DACH2: variants seen among roughly 807,000 people sequenced by gnomAD.
DACH2 encodes the protein dachshund family transcription factor 2, also known as dachshund homolog 2.
Under a neutral mutation model 35.8 loss-of-function variants are expected in DACH2, and 17 were observed. The ratio of observed to expected loss-of-function variants is 0.48; its 90% CI spans 0.33 to 0.71. The LOEUF is 0.71. Ranked by LOEUF, DACH2 falls within the 30% of genes least tolerant of loss-of-function variation. The pLI is 0.02. For synonymous variants in DACH2, 195 were observed against 177.3 expected (o/e 1.10, Z -0.79); for missense variants, 469 against 472.7 (o/e 0.99, Z 0.07).
chrX:86,667,544 AGAAGAAAGAAAG>A (rs2040703950), intron 4 of DACH2, among the ~76,000 whole-genome samples: 1 of 36,641 alleles, frequency 2.7e-5, no homozygotes, highest in Non-Finnish European at 4.9e-5. Context: ...AAAGAAAGAA[AGAAGAAAGAAAG>A]AAAGAAAGAA....
chrX:86,234,624 T>TC (rs2033018117), intron 1 of DACH2, among the ~76,000 whole-genome samples: 2 of 109,435 alleles, frequency 1.8e-5, no homozygotes, highest in South Asian at 7.9e-4. Flanking sequence ...ATTTAATTTT[T>TC]TTTTTTTGAG....
chrX:86,364,927 C>T (rs140591016), intron 1 of DACH2, among the ~76,000 whole-genome samples: 209 of 110,843 alleles, frequency 1.9e-3, no homozygotes, highest in African/African-American at 6.4e-3. Context: ...AAGAGAGTTA[C>T]GGGAGTAACC....
intron 5 of DACH2, among the ~76,000 whole-genome samples, chrX:86,695,814 C>T (rs2148445011): frequency 9.0e-6 from 1 of 111,144 alleles, no homozygotes; most frequent in South Asian, 3.8e-4. Flanking sequence ...CACCCGGCCA[C>T]ATGTTTTGAA....
At position 86,514,369 on chromosome X, in the gene DACH2, G is replaced by T. The variant is rs149578312; in HGVS notation, c.618G>T (p.Ser206=). 789 of 1,207,937 alleles carry T rather than the reference G, an allele frequency of 6.5e-4. 5 individuals carry two copies. The East Asian group carries it at 0.019, about 30-fold the overall frequency. ...LLTHAVPGLL[S]PGLITPTGIT... Reference sequence around the variant, plus strand: ...CCCATGCAGTCCCAGGCCTCTTATCGCCAGGACTTATCACTCCGACAGGTA... The same window carrying T: ...CCCATGCAGTCCCAGGCCTCTTATCTCCAGGACTTATCACTCCGACAGGTA... The change falls in exon 3 of 12, where the codon TCG becomes TCT. Residue 206 remains serine (S), a synonymous_variant. Transcript: ENST00000373125.
chrX:86,412,658 G>A lies in DACH2; in HGVS notation c.527+35796G>A, dbSNP rs916125906. On this transcript the variant is annotated intron_variant, in intron 2 of 11. Coordinates refer to ENST00000373125, the MANE Select transcript of DACH2 (RefSeq NM_053281.3). ...TGGATAAGGCATTCCATGAGTCCAC[G>A]TATACTAGTCTTGGTAGAAGATGGC... Among the ~76,000 whole-genome samples the A allele has an allele frequency of 4.5e-5, 5 of 111,713 alleles. No homozygotes were observed. In the South Asian group the frequency reaches 1.1e-3, roughly 25 times the overall value.
At chrX:86,202,329 C>A (rs753624357) in intron 1 of DACH2, among the ~76,000 whole-genome samples, 2 of 110,910 alleles carry the variant, frequency 1.8e-5, no homozygotes, top group Non-Finnish European at 3.8e-5. Context: ...CAAGAAAGTG[C>A]GATTGAAACA....
intron 3 of DACH2, among the ~76,000 whole-genome samples, chrX:86,599,457 C>CT (rs2039758194): frequency 1.8e-5 from 1 of 56,528 alleles, no homozygotes; most frequent in African/African-American, 7.5e-5. Context: ...TCCCTTCCTT[C>CT]CTTCCTTCTT....
chrX:86,569,613 C>T (rs2039339614), intron 3 of DACH2, among the ~76,000 whole-genome samples: 2 of 110,921 alleles, frequency 1.8e-5, no homozygotes, highest in Admixed American at 1.9e-4. Context: ...AACAATTTAT[C>T]CTTCTTCTAA....
At chrX:86,502,381 C>T (rs1207905595) in intron 2 of DACH2, among the ~76,000 whole-genome samples, 1 of 111,816 alleles carries the variant, frequency 8.9e-6, no homozygotes, top group Non-Finnish European at 1.9e-5. Context: ...GTTCAGCCTA[C>T]CCCATTGATG....
At chrX:86,277,184 G>C (rs895221251) in intron 1 of DACH2, among the ~76,000 whole-genome samples, 2 of 111,062 alleles carry the variant, frequency 1.8e-5, no homozygotes, top group Non-Finnish European at 3.8e-5. Context: ...TTCATTTTTT[G>C]ATGTCTTCTT....
intron 7 of DACH2, among the ~76,000 whole-genome samples, chrX:86,768,037 A>G (rs930240498): frequency 9.9e-5 from 11 of 111,619 alleles, no homozygotes; most frequent in Non-Finnish European, 2.1e-4. Flanking sequence ...AGATACAGCT[A>G]TAGAGAGTTA....
At chrX:86,700,663 G>A (rs963077654) in intron 5 of DACH2, among the ~76,000 whole-genome samples, 4 of 87,439 alleles carry the variant, frequency 4.6e-5, no homozygotes, top group Non-Finnish European at 8.8e-5. Context: ...TGACAAAGGG[G>A]ACATTACCAC....
intron 1 of DACH2, among the ~76,000 whole-genome samples, chrX:86,331,174 C>A (rs764637783): frequency 1.8e-5 from 2 of 111,158 alleles, no homozygotes; most frequent in African/African-American, 3.3e-5. Context: ...CAAATCAAAC[C>A]GTTTTTGCTA....
intron 2 of DACH2, among the ~76,000 whole-genome samples, chrX:86,471,264 C>T (rs1320379808): frequency 9.0e-6 from 1 of 111,384 alleles, no homozygotes; most frequent in Non-Finnish European, 1.9e-5. Flanking sequence ...TTTGAGAGAC[C>T]TTCTCCTTTA....
chrX:86,826,697 C>A (rs1293224052), intron 11 of DACH2, among the ~76,000 whole-genome samples: 1 of 111,956 alleles, frequency 8.9e-6, no homozygotes, highest in African/African-American at 3.2e-5. Flanking sequence ...ATGTTCTGAA[C>A]ATATTTCCAC....
intron 3 of DACH2, among the ~76,000 whole-genome samples, chrX:86,594,940 T>C (rs2039693843): frequency 9.0e-6 from 1 of 111,548 alleles, no homozygotes; most frequent in Non-Finnish European, 1.9e-5. Flanking sequence ...TTTTGCCTCA[T>C]GTATCTTGTG....
At position 86,228,112 on chromosome X, in the gene DACH2, G is replaced by A. The variant is rs150668135; in HGVS notation, c.488+79004G>A. ...CCATATTTGCAGTCTTTTATTCCTC[G>A]CCCCCTTCCACTCTTACCCCCAAGT... is the stretch of plus-strand genomic sequence containing the variant. On this transcript the variant is annotated intron_variant, in intron 1 of 11. Coordinates refer to ENST00000373125, the MANE Select transcript of DACH2 (RefSeq NM_053281.3). Among the ~76,000 whole-genome samples, 791 of 107,590 alleles carry A rather than the reference G, an allele frequency of 7.4e-3. 2 individuals are homozygous for A. Among genetic ancestry groups the A allele is most frequent in the Middle Eastern group, 0.024 (5 of 211 alleles). The allele number at this position is 107,590 out of a possible 115,157, so 93.4% of individuals were successfully genotyped here.
chrX:86,639,683 G>A (rs1396399694), intron 3 of DACH2, among the ~76,000 whole-genome samples: 3 of 111,391 alleles, frequency 2.7e-5, no homozygotes, highest in Non-Finnish European at 5.7e-5. Flanking sequence ...ACCAGGAGTG[G>A]CATTGCACCT....
At position 86,714,774 on chromosome X, in the gene DACH2, A is replaced by T. The variant is rs993644735; in HGVS notation, c.1104+54A>T. The T allele has an allele frequency of 3.0e-5, 31 of 1,037,954 alleles. No homozygotes were observed. In the Middle Eastern group the frequency reaches 8.1e-4, roughly 27 times the overall value. 85.5% of individuals were successfully genotyped at this position (1,037,954 alleles called of 1,213,427 possible). On this transcript the variant is annotated intron_variant, in intron 6 of 11. Transcript: ENST00000373125. ...AGGTGTCAATTTCATGCAAATTTTG[A>T]TAAAATATTTACAATCCCACTGGAT...
Sources: gnomAD v4.1 joint callset for allele counts (sites outside exome capture counted in the v4.1 genomes callset) on GRCh38, gnomAD v4.1.1 for gene constraint, MANE v1.5 for transcripts, NCBI Gene and HGNC (gene_info 2026-07-23, HGNC 2026-07-21) for gene names.